EPHX1: variants seen among roughly 807,000 people sequenced by gnomAD.
The protein encoded by EPHX1 is epoxide hydrolase 1.
A neutral mutation model predicts 43.2 loss-of-function variants in EPHX1; 40 were observed. The ratio of observed to expected loss-of-function variants is 0.93; its 90% confidence interval spans 0.72 to 1.21. EPHX1 has a LOEUF of 1.21. Among genes scored for constraint, EPHX1 ranks in the 50% most tolerant of loss-of-function variants. EPHX1 has a pLI of 0.00. For synonymous variants in EPHX1, 221 were observed against 226.7 expected (o/e 0.98, Z 0.22); for missense variants, 550 against 570.4 (o/e 0.96, Z 0.36).
intron 2 of EPHX1, among the ~76,000 whole-genome samples, chr1:225,829,155 CAGG>C (rs1187465998): frequency 2.0e-5 from 3 of 152,122 alleles, no homozygotes; most frequent in Admixed American, 2.0e-4. Context: ...AGTGCTCAGG[CAGG>C]AGATGGGGTA....
chr1:225,811,199 T>A (rs1666466593), intron 1 of EPHX1, among the ~76,000 whole-genome samples: 1 of 152,216 alleles, frequency 6.6e-6, no homozygotes, highest in African/African-American at 2.4e-5. Context: ...CCTCCCTCCC[T>A]GGCAGATGTC....
At chr1:225,821,447 T>C (rs1445951832) in intron 1 of EPHX1, among the ~76,000 whole-genome samples, 2 of 152,002 alleles carry the variant, frequency 1.3e-5, no homozygotes, top group South Asian at 2.1e-4. Flanking sequence ...GGTTTCACCA[T>C]GTTGGCCAGG....
At chr1:225,811,982 G>A (rs1666505930) in intron 1 of EPHX1, among the ~76,000 whole-genome samples, 1 of 152,198 alleles carries the variant, frequency 6.6e-6, no homozygotes, top group Non-Finnish European at 1.5e-5. Context: ...ACTTTAAAGA[G>A]GGGAGAGGAG....
chr1:225,845,407 G>C lies in EPHX1; in HGVS notation c.*60G>C. The C allele has an allele frequency of 6.6e-7, 1 of 1,510,852 alleles. No homozygotes were observed. Among genetic ancestry groups the C allele is most frequent in the Non-Finnish European group, 8.9e-7 (1 of 1,124,456 alleles). 93.6% of individuals were successfully genotyped at this position (1,510,852 alleles called of 1,614,324 possible). A position where few individuals can be genotyped will look rare whatever the true frequency, so the allele number is the denominator to read the frequency against. On this transcript the variant is annotated 3_prime_UTR_variant, in exon 9 of 9. Transcript: ENST00000272167. The stretch of plus-strand genomic sequence containing the variant: ...ACAAGTGCCCTCCAGGCTTTTCTTG[G>C]GGAAGATACCCCTTTTCTGAGGAAT...
At position 225,839,888 on chromosome 1, in the gene EPHX1, CCCT is replaced by C; in HGVS notation, c.789_791del (p.Leu264del). On this transcript the variant is annotated inframe_deletion, in exon 6 of 9. Transcript: ENST00000272167. ...GTTTTAAGCAACTTCTCTACCCTGACCCTCCTCCTGGGACAGCGTTTCGGGAGG... is the reference window on the plus strand; with the variant it reads ...GTTTTAAGCAACTTCTCTACCCTGACCCTCCTGGGACAGCGTTTCGGGAGG... 6.2e-7 allele frequency: 1 copy of C among 1,614,226 alleles called. No individual in the cohort carries two copies.
chr1:225,811,599 TTAAAA>T (rs1666489509), intron 1 of EPHX1, among the ~76,000 whole-genome samples: 1 of 152,210 alleles, frequency 6.6e-6, no homozygotes, highest in Admixed American at 6.5e-5. Context: ...CCAGCATAAT[TTAAAA>T]TAAACATTTT....
At position 225,838,988 on chromosome 1, in the gene EPHX1, G is replaced by C; in HGVS notation, c.592+107G>C. 3 of 1,426,728 alleles carry C rather than the reference G, an allele frequency of 2.1e-6. No homozygotes were observed. In the South Asian group the frequency reaches 3.5e-5, roughly 17 times the overall value. 88.4% of individuals were successfully genotyped at this position (1,426,728 alleles called of 1,614,324 possible). ...CGGGGTGAGCAGGGAGTTGGCCCGAGGAAGCTGGGAAAGGAGGGGCCTGAG... is the reference window on the plus strand; with the variant it reads ...CGGGGTGAGCAGGGAGTTGGCCCGACGAAGCTGGGAAAGGAGGGGCCTGAG... On this transcript the variant is annotated intron_variant, in intron 4 of 8. Coordinates refer to ENST00000272167, the MANE Select transcript of EPHX1 (RefSeq NM_001136018.4).
At chr1:225,827,246 A>C (rs567785054) in intron 1 of EPHX1, among the ~76,000 whole-genome samples, 1 of 152,246 alleles carries the variant, frequency 6.6e-6, no homozygotes, top group Middle Eastern at 3.4e-3. Flanking sequence ...TGGGTTTCCA[A>C]GACAGAGCGA....
rs566256828 is a variant in EPHX1 at position 225,831,378 on chromosome 1, G to A, written c.184-401G>A. ...AGCCTGGCCAACATGGCAAAACCCC[G>A]TCTCTACTAAAAATGCAAAAATTAG... On this transcript the variant is annotated intron_variant, in intron 2 of 8. Transcript: ENST00000272167. 1.4e-4 allele frequency among the ~76,000 whole-genome samples: 22 copies of A among 151,990 alleles called. No homozygotes were observed. In the South Asian group the frequency reaches 3.1e-3, roughly 21 times the overall value.
chr1:225,813,612 T>C lies in EPHX1; in HGVS notation c.-6+3443T>C, dbSNP rs571021494. Among the ~76,000 whole-genome samples, 9 of 152,336 alleles carry C rather than the reference T, an allele frequency of 5.9e-5. No individual in the cohort carries two copies. In the East Asian group the frequency reaches 1.5e-3, roughly 26 times the overall value. ...GCTCACACTGAGCAGCCTCCCCTATTGTCAAGGTTTATTTACTTTCCCAGG... is the reference window on the plus strand; with the variant it reads ...GCTCACACTGAGCAGCCTCCCCTATCGTCAAGGTTTATTTACTTTCCCAGG... On this transcript the variant is annotated intron_variant, in intron 1 of 8. Coordinates refer to ENST00000272167, the MANE Select transcript of EPHX1 (RefSeq NM_001136018.4).
intron 7 of EPHX1, among the ~76,000 whole-genome samples, chr1:225,844,055 A>C (rs1162246846): frequency 6.6e-6 from 1 of 152,052 alleles, no homozygotes; most frequent in African/African-American, 2.4e-5. Flanking sequence ...TTCTCCACTT[A>C]ATAAGTAAAA....
intron 4 of EPHX1, among the ~76,000 whole-genome samples, 157 bp from the exon 5 acceptor site, chr1:225,839,060 C>T (rs1370981523): frequency 6.6e-6 from 1 of 152,196 alleles, no homozygotes; most frequent in Non-Finnish European, 1.5e-5. Flanking sequence ...GATGCCACCC[C>T]TATATTTGGG....
At chr1:225,810,912 G>A (rs1666448893) in intron 1 of EPHX1, among the ~76,000 whole-genome samples, 1 of 152,142 alleles carries the variant, frequency 6.6e-6, no homozygotes, top group African/African-American at 2.4e-5. Context: ...GGCAGGAACC[G>A]GCCATCTGGA....
At position 225,839,016 on chromosome 1, in the gene EPHX1, G is replaced by C. The variant is rs1357336988; in HGVS notation, c.592+135G>C. 3.0e-6 allele frequency: 4 copies of C among 1,323,844 alleles called. No homozygotes were observed. In the Admixed American group the frequency reaches 7.8e-5, roughly 26 times the overall value. The allele number at this position is 1,323,844 out of a possible 1,614,324, so 82.0% of individuals were successfully genotyped here. Reference sequence around the variant, plus strand: ...AGCTGGGAAAGGAGGGGCCTGAGAGGCCGGCCCCAGACACACCGCCCTCCG... The same window carrying C: ...AGCTGGGAAAGGAGGGGCCTGAGAGCCCGGCCCCAGACACACCGCCCTCCG... On this transcript the variant is annotated intron_variant, in intron 4 of 8. Transcript: ENST00000272167.
chr1:225,843,256 A>G (rs1428040980), intron 7 of EPHX1, among the ~76,000 whole-genome samples: 3 of 152,232 alleles, frequency 2.0e-5, no homozygotes, highest in Non-Finnish European at 4.4e-5. Flanking sequence ...AGGAGAATGT[A>G]TCTGATTTGG....
intron 7 of EPHX1, among the ~76,000 whole-genome samples, chr1:225,843,993 G>C (rs1201450247): frequency 3.9e-5 from 6 of 152,184 alleles, no homozygotes; most frequent in Admixed American, 3.9e-4. Context: ...AGTGGAAGGT[G>C]GGGTGGGGGC....
rs375106207 is a variant in EPHX1 at position 225,842,867 on chromosome 1, G to C, written c.1040+393G>C. ...GACTGCGTGTTCCAGGAGGGTGGTCGCAGAAAGACAGGAGGCTGTTAATCT... is the reference window on the plus strand; with the variant it reads ...GACTGCGTGTTCCAGGAGGGTGGTCCCAGAAAGACAGGAGGCTGTTAATCT... On this transcript the variant is annotated intron_variant, in intron 7 of 8. Transcript: ENST00000272167. Among the ~76,000 whole-genome samples, 48 of 152,282 alleles carry C rather than the reference G, an allele frequency of 3.2e-4. No individual in the cohort carries two copies. The East Asian group carries it at 7.5e-3, about 24-fold the overall frequency.
At chr1:225,821,335 A>G (rs894442114) in intron 1 of EPHX1, among the ~76,000 whole-genome samples, 16 of 151,330 alleles carry the variant, frequency 1.1e-4, no homozygotes, top group African/African-American at 3.9e-4. Flanking sequence ...ACCTCCGCCT[A>G]CCCAGGTTCA....
At chr1:225,811,921 G>A (rs1236752634) in intron 1 of EPHX1, among the ~76,000 whole-genome samples, 2 of 152,172 alleles carry the variant, frequency 1.3e-5, no homozygotes, top group South Asian at 2.1e-4. Context: ...AAATACATTT[G>A]TAAACTATAA....
Sources: allele counts gnomAD v4.1 joint callset (sites outside exome capture counted in the v4.1 genomes callset), GRCh38; gene constraint gnomAD v4.1.1; transcripts MANE v1.5; gene names NCBI Gene and HGNC (gene_info 2026-07-23, HGNC 2026-07-21).